RNF220: variants seen among roughly 807,000 people sequenced by gnomAD.
RNF220 encodes the protein E3 ubiquitin-protein ligase RNF220.
A neutral mutation model predicts 67.1 loss-of-function variants in RNF220; 7 were observed. That is an observed-to-expected ratio of 0.10 (90% CI 0.06 to 0.20). The LOEUF is 0.20. RNF220 is among the 10% of genes least tolerant of loss of function. The pLI is 1.00. For synonymous variants in RNF220, 270 were observed against 283.2 expected (o/e 0.95, Z 0.47); for missense variants, 565 against 740.3 (o/e 0.76, Z 2.75).
chr1:44,557,428 G>T (rs1334323086), intron 2 of RNF220, among the ~76,000 whole-genome samples: 1 of 151,224 alleles, frequency 6.6e-6, no homozygotes, highest in African/African-American at 2.4e-5. Context: ...AGGAGGGAGG[G>T]AGGGAGAGAG....
chr1:44,479,012 G>T (rs1283482305), intron 2 of RNF220, among the ~76,000 whole-genome samples: 2 of 152,054 alleles, frequency 1.3e-5, no homozygotes, highest in African/African-American at 4.8e-5. Flanking sequence ...CCTACTTGTA[G>T]AAATTTGGGG....
Position 44,611,734 on chromosome 1 carries a change from C to T in RNF220, c.626-2431C>T, listed in dbSNP as rs557012205. Among the ~76,000 whole-genome samples the T allele has an allele frequency of 1.1e-4, 16 of 151,800 alleles. No individual in the cohort carries two copies. In the East Asian group the frequency reaches 2.9e-3, roughly 28 times the overall value. ...AGTCACGGGCTCTCTTTTTGCCTTTCCTACTAATTTGTGTTCTCCTCGAGG... is the reference window on the plus strand; with the variant it reads ...AGTCACGGGCTCTCTTTTTGCCTTTTCTACTAATTTGTGTTCTCCTCGAGG... On this transcript the variant is annotated intron_variant, in intron 2 of 14. Coordinates refer to ENST00000361799, the MANE Select transcript of RNF220 (RefSeq NM_018150.4).
intron 2 of RNF220, among the ~76,000 whole-genome samples, chr1:44,526,587 A>T (rs967240770): frequency 6.6e-6 from 1 of 152,068 alleles, no homozygotes; most frequent in South Asian, 2.1e-4. Context: ...ACCTGGGCCC[A>T]TCACTCCTCC....
Position 44,645,212 on chromosome 1 carries a change from T to C in RNF220, c.1311-9T>C, listed in dbSNP as rs774348593. ...CCTCACTTTGTTTTTCCTCCCTCCT[T>C]TCCTCCAGTGGCGGCCCTCCCAGCA... On this transcript the variant is annotated splice_polypyrimidine_tract_variant and intron_variant, in intron 10 of 14. Coordinates refer to ENST00000361799, the MANE Select transcript of RNF220 (RefSeq NM_018150.4). This position sits in a 1 kb window ranked among gnomAD's most constrained non-coding sequence, Gnocchi z 5.0. The C allele has an allele frequency of 3.1e-6, 5 of 1,613,990 alleles. No homozygotes were observed. The highest frequency in any genetic ancestry group is 1.7e-5 in the Admixed American group (1 of 60,004).
chr1:44,609,902 A>ACCTGATTCCCCTGACTCCCGGTC (rs1235202054), intron 2 of RNF220, among the ~76,000 whole-genome samples: 1 of 152,162 alleles, frequency 6.6e-6, no homozygotes, highest in Non-Finnish European at 1.5e-5. Flanking sequence ...CCAGGCTGGG[A>ACCTGATTCCCCTGACTCCCGGTC]CCTGATTCCC....
At chr1:44,511,916 CGTGTGTGT>C (rs71728249) in intron 2 of RNF220, among the ~76,000 whole-genome samples, 6 of 147,802 alleles carry the variant, frequency 4.1e-5, no homozygotes, top group East Asian at 2.0e-4. Context: ...CGTGTGTGTG[CGTGTGTGT>C]GTGTGTGTGT....
intron 2 of RNF220, among the ~76,000 whole-genome samples, chr1:44,451,638 T>C (rs1435595850): frequency 1.3e-5 from 2 of 152,230 alleles, no homozygotes; most frequent in Non-Finnish European, 2.9e-5. Flanking sequence ...TTATTTTTTT[T>C]TGAGACGGAG....
chr1:44,627,312 T>C lies in RNF220; in HGVS notation c.906+914T>C, dbSNP rs1163969431. On this transcript the variant is annotated intron_variant, in intron 5 of 14. Transcript: ENST00000361799. ...GTGAGCTGAGACCACGCCATTGTACTCCAGCCTGGGTGACAGAGCAAGACT... is the reference window on the plus strand; with the variant it reads ...GTGAGCTGAGACCACGCCATTGTACCCCAGCCTGGGTGACAGAGCAAGACT... Among the ~76,000 whole-genome samples the C allele has an allele frequency of 2.6e-5, 3 of 116,376 alleles. No individual in the cohort carries two copies. The Admixed American group carries it at 3.9e-4, about 15-fold the overall frequency. The allele number at this position is 116,376 out of a possible 152,430, so 76.3% of individuals were successfully genotyped here.
intron 8 of RNF220, among the ~76,000 whole-genome samples, chr1:44,637,498 A>G (rs1302183332): frequency 6.6e-6 from 1 of 152,238 alleles, no homozygotes; most frequent in Non-Finnish European, 1.5e-5. Context: ...GTCAGTTTCA[A>G]CGTGCTGCTC....
rs932572603 is a variant in RNF220, at chr1:44,439,195, T to G, written c.625+26473T>G. Among the ~76,000 whole-genome samples, 3 of 152,264 alleles carry G rather than the reference T, an allele frequency of 2.0e-5. 1 individual carries two copies. The South Asian group carries it at 6.2e-4, about 31-fold the overall frequency. On this transcript the variant is annotated intron_variant, in intron 2 of 14. Coordinates refer to ENST00000361799, the MANE Select transcript of RNF220 (RefSeq NM_018150.4). ...CCGCTTGCCGGATTACCTTTTTCTT[T>G]ATGCTGTTATCAACACATTATGATA...
At chr1:44,450,795 T>C (rs901471578) in intron 2 of RNF220, among the ~76,000 whole-genome samples, 2 of 152,198 alleles carry the variant, frequency 1.3e-5, no homozygotes, top group Admixed American at 1.3e-4. Flanking sequence ...ACATAGGTTT[T>C]TATAGACACA....
At chr1:44,411,712 TA>T (rs372041042) in intron 1 of RNF220, among the ~76,000 whole-genome samples, 1 of 152,314 alleles carries the variant, frequency 6.6e-6, no homozygotes, top group African/African-American at 2.4e-5. Context: ...GGTTTTATGA[TA>T]TTTTTTTCTT....
At chr1:44,469,500 C>G (rs767929454) in intron 2 of RNF220, among the ~76,000 whole-genome samples, 5 of 152,182 alleles carry the variant, frequency 3.3e-5, no homozygotes, top group Non-Finnish European at 7.4e-5. Context: ...AATACATTTC[C>G]TCTTGGGACA....
Position 44,460,692 on chromosome 1 carries a change from C to T in RNF220, c.625+47970C>T, listed in dbSNP as rs550094173. ...CTTTTAGCTTCCCCAGACAAGCGCCCAGTGTTTCCTCTGCTAGACTTTGGG... is the reference window on the plus strand; with the variant it reads ...CTTTTAGCTTCCCCAGACAAGCGCCTAGTGTTTCCTCTGCTAGACTTTGGG... On this transcript the variant is annotated intron_variant, in intron 2 of 14. Transcript: ENST00000361799. 5.3e-5 allele frequency among the ~76,000 whole-genome samples: 8 copies of T among 152,320 alleles called. No homozygotes were observed. The East Asian group carries it at 1.5e-3, about 29-fold the overall frequency.
chr1:44,631,984 C>A, intron 5 of RNF220: 2 of 1,003,644 alleles, frequency 2.0e-6, no homozygotes, highest in Non-Finnish European at 2.4e-6. Context: ...AACATGGCCG[C>A]CGCCGCCGCT....
intron 2 of RNF220, among the ~76,000 whole-genome samples, chr1:44,571,132 A>G (rs1285771659): frequency 2.6e-5 from 4 of 151,572 alleles, no homozygotes; most frequent in Non-Finnish European, 5.9e-5. Context: ...ACTTTTCCAG[A>G]CCTTCCTATC....
At chr1:44,536,672 C>G (rs1661245705) in intron 2 of RNF220, among the ~76,000 whole-genome samples, 1 of 152,166 alleles carries the variant, frequency 6.6e-6, no homozygotes, top group African/African-American at 2.4e-5. Flanking sequence ...ACATGGTCTG[C>G]CCCTCGAAAA....
At chr1:44,406,759 A>T (rs1320516027) in intron 1 of RNF220, among the ~76,000 whole-genome samples, 3 of 152,176 alleles carry the variant, frequency 2.0e-5, no homozygotes, top group African/African-American at 7.2e-5. Context: ...TGTAAGAGAA[A>T]GCCTTTTCTT....
chr1:44,457,086 G>A (rs901578650), intron 2 of RNF220, among the ~76,000 whole-genome samples: 2 of 151,728 alleles, frequency 1.3e-5, no homozygotes, highest in African/African-American at 4.8e-5. Context: ...TTTCCCAACC[G>A]TTTCCCCTTC....
Sources: allele counts gnomAD v4.1 joint callset (sites outside exome capture counted in the v4.1 genomes callset), GRCh38; gene constraint gnomAD v4.1.1; non-coding constraint Gnocchi (gnomAD v3.1); transcripts MANE v1.5; gene names NCBI Gene and HGNC (gene_info 2026-07-23, HGNC 2026-07-21).